MYO15B: variants seen among roughly 807,000 people sequenced by gnomAD.
The protein encoded by MYO15B is myosin XVB, also known as myosin XVB pseudogene.
MYO15B carries 207 observed loss-of-function variants against 119.3 expected under a neutral mutation model. That is an observed-to-expected ratio of 1.73 (90% CI 1.55 to 1.95). The LOEUF (loss-of-function observed/expected upper bound fraction) is 1.95, where lower values mean the gene tolerates loss of function less well. Ranked by LOEUF, MYO15B falls within the 30% of genes most tolerant of loss-of-function variation. The pLI is 0.00. For synonymous variants in MYO15B, 966 were observed against 498.9 expected (o/e 1.94, Z -12.48); for missense variants, 2,264 against 1,203.1 (o/e 1.88, Z -13.04).
At chr17:75,613,233 C>A (rs1210272154) in intron 27 of MYO15B, 24 bp downstream of exon 27, 26 of 680,140 alleles carry the variant, frequency 3.8e-5, no homozygotes, top group Non-Finnish European at 6.8e-5. Context: ...GAGGTGGGGA[C>A]CTGGCAGGTG....
At chr17:75,621,204 C>T in intron 50 of MYO15B, 28 bp downstream of exon 50, 1 of 672,446 alleles carries the variant, frequency 1.5e-6, no homozygotes, top group Non-Finnish European at 2.7e-6. Context: ...ACCCCTGTGC[C>T]TGTCTGTCCT....
chr17:75,613,505 C>A (rs1371657623), intron 28 of MYO15B, 34 bp downstream of exon 28: 2 of 665,020 alleles, frequency 3.0e-6, no homozygotes, highest in East Asian at 2.7e-5. Flanking sequence ...CCTCCCAGGC[C>A]TGAAGTGGGG....
At chr17:75,625,300 C>T (rs1417126832) in intron 60 of MYO15B, 62 bp downstream of exon 60, 12 of 654,740 alleles carry the variant, frequency 1.8e-5, no homozygotes, top group Admixed American at 4.4e-5. Flanking sequence ...GGCCATTTGA[C>T]TGGTACCCTT....
intron 31 of MYO15B, 23 bp downstream of exon 31, chr17:75,614,706 G>C (rs1468565941): frequency 2.8e-6 from 2 of 702,528 alleles, no homozygotes; most frequent in East Asian, 2.7e-5. Flanking sequence ...TGGGCACATG[G>C]AGGTTGGCAG....
Position 75,615,893 on chromosome 17 carries a change from G to T in MYO15B, c.6030+9G>T. 1.5e-6 allele frequency: 1 copy of T among 666,422 alleles called. No homozygotes were observed. The highest frequency in any genetic ancestry group is 2.7e-6 in the Non-Finnish European group (1 of 366,556). 41.3% of individuals were successfully genotyped at this position (666,422 alleles called of 1,614,324 possible). A position where few individuals can be genotyped will look rare whatever the true frequency, so the allele number is the denominator to read the frequency against. ...AGGGTGGCTGCCTGAGGGTGAGGAG[G>T]TGACCATATTCTCAGGAAGGGATGT... On this transcript the variant is annotated intron_variant, in intron 36 of 63. Transcript: ENST00000645453.
chr17:75,616,635 A>G, exon 39 of MYO15B: 3 of 702,750 alleles, frequency 4.3e-6, no homozygotes, highest in Non-Finnish European at 7.8e-6. Flanking sequence ...GCCAAGGGCC[A>G]TGGCCAAGGG....
At chr17:75,604,017 C>T (rs953251480) in intron 19 of MYO15B, among the ~76,000 whole-genome samples, 1 of 152,176 alleles carries the variant, frequency 6.6e-6, no homozygotes, top group Non-Finnish European at 1.5e-5. Flanking sequence ...AGCCTCACCC[C>T]AGGGCTCTGT....
intron 28 of MYO15B, 113 bp downstream of exon 28, chr17:75,613,584 T>C: frequency 1.5e-6 from 1 of 648,112 alleles, no homozygotes; most frequent in South Asian, 1.7e-5. Context: ...CTGTCCTCAG[T>C]GACCCTGATC....
chr17:75,603,277 C>G lies in MYO15B; in HGVS notation c.3981C>G (p.Phe1327Leu), dbSNP rs576596832. 1.8e-5 allele frequency: 13 copies of G among 703,012 alleles called. No homozygotes were observed. The African/African-American group carries it at 2.3e-4, about 12-fold the overall frequency. The allele number at this position is 703,012 out of a possible 1,614,324, so 43.5% of individuals were successfully genotyped here. A position where few individuals can be genotyped will look rare whatever the true frequency, so the allele number is the denominator to read the frequency against. ...CCGTGGGCACCCGCAGTGCCAACTT[C>G]CCCGTGCGTGTGCCCTTTGAGGCCT... The change falls in exon 19 of 64, where the codon TTC becomes TTG. Residue 1327 changes from phenylalanine (F) to leucine (L), a missense_variant. Phe to Leu is a conservative substitution (Grantham distance 22). Transcript: ENST00000645453.
intron 9 of MYO15B, among the ~76,000 whole-genome samples, chr17:75,594,106 A>AAG (rs1178028643): frequency 0.18 from 5,903 of 32,044 alleles, 439 homozygotes; most frequent in African/African-American, 0.3. Flanking sequence ...AAAAAAAAAG[A>AAG]AAAAAAAAAA....
intron 14 of MYO15B, among the ~76,000 whole-genome samples, chr17:75,600,430 CT>C (rs11295393): frequency 0.53 from 77,199 of 145,848 alleles, 20,374 homozygotes; most frequent in South Asian, 0.61. Flanking sequence ...ATCCCCATTT[CT>C]TTTTTTTTTT....
intron 3 of MYO15B, 48 bp from the exon 4 acceptor site, chr17:75,591,124 C>T (rs934284174): frequency 3.0e-5 from 21 of 702,026 alleles, no homozygotes; most frequent in Non-Finnish European, 3.9e-5. Flanking sequence ...TGCTACACCT[C>T]GGAGGGTCCC....
At position 75,624,208 on chromosome 17, in the gene MYO15B, GCA is replaced by G. The variant is rs777805171; in HGVS notation, c.8309_8310del (p.Thr2770SerfsTer14). The G allele has an allele frequency of 5.0e-5, 35 of 702,822 alleles. No individual in the cohort carries two copies. Among genetic ancestry groups the G allele is most frequent in the Admixed American group, 6.0e-5 (3 of 49,980 alleles). The allele number at this position is 702,822 out of a possible 1,614,324, so 43.5% of individuals were successfully genotyped here. On this transcript the variant is annotated frameshift_variant, in exon 56 of 64. Coordinates refer to ENST00000645453, the Ensembl canonical transcript of MYO15B. LOFTEE classifies it high-confidence loss of function. ...CGGAGCAGCCAGGAGCACCTCCAGC[GCA>G]CAGTCAAATATGGGGGGCGCCGGCG...
At chr17:75,617,099 C>T in exon 41 of MYO15B, 1 of 676,990 alleles carries the variant, frequency 1.5e-6, no homozygotes. Context: ...TGTCCCCCAG[C>T]CCAGGAAAGG....
At chr17:75,616,769 C>G (rs1462843739) in exon 39 of MYO15B, 2 of 702,908 alleles carry the variant, frequency 2.8e-6, no homozygotes, top group African/African-American at 3.5e-5. Context: ...CGTGCCTGTG[C>G]CCGTGCAGCC....
exon 36 of MYO15B, chr17:75,615,818 C>T: frequency 2.8e-6 from 2 of 702,646 alleles, no homozygotes; most frequent in Non-Finnish European, 2.6e-6. Flanking sequence ...CCTCCAAGCC[C>T]AGGAAGCCCC....
In MYO15B at chr17:75,610,094, G is replaced by C. The variant is rs2057924157; in HGVS notation, c.4293-72G>C. 1.8e-5 allele frequency: 11 copies of C among 617,302 alleles called. 1 individual carries two copies. In the South Asian group the frequency reaches 1.8e-4, roughly 10 times the overall value. The allele number at this position is 617,302 out of a possible 1,614,324, so 38.2% of individuals were successfully genotyped here. A position where few individuals can be genotyped will look rare whatever the true frequency, so the allele number is the denominator to read the frequency against. ...GTTTTTACATGAATGTCAGGCTTAA[G>C]GGATTCCAGTGCCAGGCAGGAAGCA... is the stretch of plus-strand genomic sequence containing the variant. On this transcript the variant is annotated intron_variant, in intron 21 of 63. Coordinates refer to ENST00000645453, the Ensembl canonical transcript of MYO15B.
chr17:75,592,346 G>C (rs931929462), intron 7 of MYO15B, 45 bp downstream of exon 7: 8 of 701,738 alleles, frequency 1.1e-5, no homozygotes, highest in Non-Finnish European at 1.8e-5. Flanking sequence ...TCCCAGAGTA[G>C]GAAGGGCAGA....
chr17:75,613,825 C>T (rs1013843966), intron 29 of MYO15B, 48 bp downstream of exon 29: 40 of 659,042 alleles, frequency 6.1e-5, no homozygotes, highest in Non-Finnish European at 9.4e-5. Flanking sequence ...TGACCCTTGT[C>T]CTATACCCTC....
Sources: gnomAD v4.1 joint callset for allele counts (sites outside exome capture counted in the v4.1 genomes callset) on GRCh38, gnomAD v4.1.1 for gene constraint, MANE v1.5 for transcripts, NCBI Gene and HGNC (gene_info 2026-07-23, HGNC 2026-07-21) for gene names.